The following ACTR3C variants were observed in gnomAD, a reference collection of about 807,000 sequenced individuals.
ACTR3C encodes actin-related protein 3C.
Under a neutral mutation model 26.3 loss-of-function variants are expected in ACTR3C, and 18 were observed. That is an observed-to-expected ratio of 0.68 (90% CI 0.47 to 1.01). The LOEUF (loss-of-function observed/expected upper bound fraction) is 1.01, where lower values mean the gene tolerates loss of function less well. Ranked by LOEUF, ACTR3C falls within the 50% of genes least tolerant of loss-of-function variation. The probability of loss-of-function intolerance (pLI) is 0.00; values close to 1 mark genes in which losing one functional copy is unlikely to be tolerated. For missense variants in ACTR3C, 184 were observed against 250.7 expected (o/e 0.73, Z 1.80); for synonymous variants, 55 against 94.5 (o/e 0.58, Z 2.42).
the ACTR3C span, among the ~76,000 whole-genome samples, chr7:150,023,316 T>TACAC: frequency 1.9e-4 from 3 of 15,610 alleles, no homozygotes; most frequent in Non-Finnish European, 6.2e-4. Context: ...GATAGATAGA[T>TACAC]ACATACATAC....
the ACTR3C span, among the ~76,000 whole-genome samples, chr7:150,169,857 C>T: frequency 3.3e-5 from 5 of 150,860 alleles, 1 homozygote; most frequent in African/African-American, 1.2e-4. Context: ...TCCTTCTCCA[C>T]ACTCTCCTTC....
At chr7:150,215,553 C>T in the ACTR3C span, among the ~76,000 whole-genome samples, 3 of 152,336 alleles carry the variant, frequency 2.0e-5, no homozygotes, top group Non-Finnish European at 4.4e-5. Context: ...TTTGCATCTA[C>T]TCTTCATTGC....
At chr7:150,122,880 C>A in the ACTR3C span, among the ~76,000 whole-genome samples, 1 of 151,078 alleles carries the variant, frequency 6.6e-6, no homozygotes, top group African/African-American at 2.4e-5. Flanking sequence ...AAATGTGGCA[C>A]ATATACACCA....
chr7:149,947,779 G>C, the ACTR3C span, among the ~76,000 whole-genome samples: 7 of 145,238 alleles, frequency 4.8e-5, no homozygotes, highest in Non-Finnish European at 1.0e-4. Context: ...TTCACGGACT[G>C]CAGGGGAATG....
chr7:150,002,951 C>G, the ACTR3C span: 1 of 152,302 alleles, frequency 6.6e-6, no homozygotes, highest in East Asian at 1.9e-4. Context: ...CACACCCACA[C>G]CACACGTGCC....
the ACTR3C span, among the ~76,000 whole-genome samples, chr7:150,223,668 T>C: frequency 1.3e-5 from 2 of 152,010 alleles, no homozygotes; most frequent in African/African-American, 4.8e-5. Flanking sequence ...TACAGCATGA[T>C]AAATCCATTA....
At chr7:150,290,571 C>T (rs1286553684) in intron 3 of ACTR3C, among the ~76,000 whole-genome samples, 1 of 152,098 alleles carries the variant, frequency 6.6e-6, no homozygotes, top group Non-Finnish European at 1.5e-5. Flanking sequence ...AGAAGTGAAA[C>T]GCTGACTTCA....
At chr7:149,942,934 C>T in the ACTR3C span, among the ~76,000 whole-genome samples, 5 of 151,716 alleles carry the variant, frequency 3.3e-5, no homozygotes, top group Admixed American at 1.3e-4. Flanking sequence ...GGCTGATCGA[C>T]GAACAAATCA....
rs1477373650 is a variant in ACTR3C, at chr7:150,319,085, A to T, written c.-52+4384T>A. On this transcript the variant is annotated intron_variant, in intron 1 of 7. Transcript: ENST00000683684. ...TCTTTACCCAGTCTATTACTGAGCA[A>T]GTCTTGTCAATTTAGGCAATTTAAG... Among the ~76,000 whole-genome samples the T allele has an allele frequency of 2.0e-5, 3 of 152,192 alleles. No homozygotes were observed. The East Asian group carries it at 5.8e-4, about 29-fold the overall frequency.
At chr7:150,188,990 C>T in the ACTR3C span, among the ~76,000 whole-genome samples, 1 of 150,590 alleles carries the variant, frequency 6.6e-6, no homozygotes, top group African/African-American at 2.5e-5. Flanking sequence ...GTAATGCCCA[C>T]ATGCTTTTTA....
At chr7:150,299,644 G>A (rs1220432692) in intron 1 of ACTR3C, among the ~76,000 whole-genome samples, 1 of 151,908 alleles carries the variant, frequency 6.6e-6, no homozygotes, top group South Asian at 2.1e-4. Context: ...AAATTAGCTG[G>A]GCGTGGTGGT....
chr7:150,034,634 G>A, the ACTR3C span, among the ~76,000 whole-genome samples: 292 of 151,174 alleles, frequency 1.9e-3, 1 homozygote, highest in African/African-American at 6.8e-3. Context: ...TTCCCGAGCT[G>A]CCTTCGGACC....
In ACTR3C at chr7:150,291,117, C is replaced by A. The variant is rs145874205; in HGVS notation, c.154-1524G>T. On this transcript the variant is annotated intron_variant, in intron 3 of 7. Transcript: ENST00000683684. ...AAGTGTGTGTGTGTGTGCATGCATG[C>A]GTGCACACACGTGTCTTAGAAAAAG... Among the ~76,000 whole-genome samples the A allele has an allele frequency of 2.3e-3, 352 of 151,880 alleles. 3 individuals are homozygous for A. Among genetic ancestry groups the A allele is most frequent in the African/African-American group, 8.0e-3 (330 of 41,220 alleles).
At chr7:150,073,445 G>A in the ACTR3C span, among the ~76,000 whole-genome samples, 6 of 149,936 alleles carry the variant, frequency 4.0e-5, no homozygotes, top group Non-Finnish European at 7.4e-5. Context: ...TTTCCTGGTG[G>A]GAAGTGAGCT....
At chr7:150,284,116 G>A (rs192867612) in intron 6 of ACTR3C, among the ~76,000 whole-genome samples, 27 of 152,236 alleles carry the variant, frequency 1.8e-4, no homozygotes, top group African/African-American at 6.3e-4. Context: ...TGCATGAAAC[G>A]AAACCAATGG....
At chr7:150,070,700 C>T in the ACTR3C span, among the ~76,000 whole-genome samples, 23 of 152,186 alleles carry the variant, frequency 1.5e-4, no homozygotes, top group Non-Finnish European at 1.5e-4. Flanking sequence ...ATCTGCCCCC[C>T]TCAGCCTCCC....
the ACTR3C span, among the ~76,000 whole-genome samples, chr7:149,884,924 A>G: frequency 6.6e-6 from 1 of 152,220 alleles, no homozygotes; most frequent in African/African-American, 2.4e-5. Context: ...CCAGCTCCCA[A>G]GGGTTTTGGT....
At chr7:149,923,722 G>A in the ACTR3C span, among the ~76,000 whole-genome samples, 3 of 152,150 alleles carry the variant, frequency 2.0e-5, no homozygotes, top group Non-Finnish European at 2.9e-5. Context: ...GTGAGCCCAG[G>A]CATGGTGGCT....
intron 1 of ACTR3C, among the ~76,000 whole-genome samples, chr7:150,299,232 T>G (rs1296139352): frequency 6.6e-6 from 1 of 151,100 alleles, no homozygotes; most frequent in African/African-American, 2.4e-5. Flanking sequence ...ATCCACCACT[T>G]CGGCCTCCCA....
Sources: allele counts gnomAD v4.1 joint callset (sites outside exome capture counted in the v4.1 genomes callset), GRCh38; gene constraint gnomAD v4.1.1; transcripts MANE v1.5; gene names NCBI Gene and HGNC (gene_info 2026-07-23, HGNC 2026-07-21).